Variants in CHFR observed in about 807,000 individuals in gnomAD.
CHFR encodes E3 ubiquitin-protein ligase CHFR.
Under a neutral mutation model 87.6 loss-of-function variants are expected in CHFR, and 57 were observed. The observed-to-expected ratio is 0.65, with a 90% CI of 0.53 to 0.81. The LOEUF (loss-of-function observed/expected upper bound fraction) is 0.81. CHFR is among the 30% of genes least tolerant of loss of function. The probability of loss-of-function intolerance (pLI) is 0.00; values close to 1 mark genes in which losing one functional copy is unlikely to be tolerated. For synonymous variants in CHFR, 381 were observed against 359.2 expected (o/e 1.06, Z -0.69); for missense variants, 797 against 865.8 (o/e 0.92, Z 1.00).
rs1359225076 is a variant in CHFR at position 132,840,292 on chromosome 12, GC to G, written c.*1261del. ...GCACTCGGAGCTCACTCTGCATGGG[GC>G]CTGCCTCCCTCGCATGGGGAAGTGA... On this transcript the variant is annotated 3_prime_UTR_variant, in exon 18 of 18. Coordinates refer to ENST00000450056, the MANE Select transcript of CHFR (RefSeq NM_001161346.2). 2 of 151,882 alleles carry G rather than the reference GC, an allele frequency of 1.3e-5. No homozygotes were observed. The highest frequency in any genetic ancestry group is 4.8e-5 in the African/African-American group (2 of 41,306). The allele number at this position is 151,882 out of a possible 1,614,324, so 9.4% of individuals were successfully genotyped here.
chr12:132,865,468 T>C (rs1302580864), intron 6 of CHFR, among the ~76,000 whole-genome samples: 1 of 150,982 alleles, frequency 6.6e-6, no homozygotes, highest in East Asian at 2.0e-4. Context: ...GATCCTCCTC[T>C]CTCAGGTGAA....
intron 2 of CHFR, among the ~76,000 whole-genome samples, chr12:132,882,088 T>G (rs1951783098): frequency 6.6e-6 from 1 of 152,212 alleles, no homozygotes; most frequent in Non-Finnish European, 1.5e-5. Context: ...CTACAAAGAC[T>G]GCACACTTAT....
At chr12:132,858,403 G>A (rs1295160969) in intron 8 of CHFR, among the ~76,000 whole-genome samples, 1 of 151,302 alleles carries the variant, frequency 6.6e-6, no homozygotes, top group Non-Finnish European at 1.5e-5. Context: ...GGGCTACATG[G>A]CGAAACCGTC....
intron 5 of CHFR, among the ~76,000 whole-genome samples, chr12:132,870,333 C>T (rs1294508654): frequency 6.6e-6 from 1 of 150,626 alleles, no homozygotes; most frequent in African/African-American, 2.5e-5. Context: ...GCCTGGGCGA[C>T]AAAGCGCGAC....
intron 15 of CHFR, among the ~76,000 whole-genome samples, 189 bp downstream of exon 15, chr12:132,846,854 T>G (rs931830543): frequency 2.0e-5 from 3 of 152,168 alleles, no homozygotes; most frequent in Non-Finnish European, 4.4e-5. Context: ...CACTCCAGTC[T>G]GGGCAACAAG....
chr12:132,843,313 C>A (rs1950741506), intron 16 of CHFR, among the ~76,000 whole-genome samples: 1 of 152,122 alleles, frequency 6.6e-6, no homozygotes, highest in Admixed American at 6.6e-5. Flanking sequence ...GTAATCCCAG[C>A]ACTTTGGGAG....
At chr12:132,869,506 G>T in intron 6 of CHFR, 113 bp downstream of exon 6, 1 of 930,492 alleles carries the variant, frequency 1.1e-6, no homozygotes, top group Non-Finnish European at 1.6e-6. Context: ...TCTCACTACT[G>T]AGAACCTCAT....
At chr12:132,852,521 C>A (rs937776920) in intron 11 of CHFR, among the ~76,000 whole-genome samples, 6 of 150,718 alleles carry the variant, frequency 4.0e-5, no homozygotes, top group African/African-American at 1.5e-4. Flanking sequence ...AAAGACCCTG[C>A]GAGGTCAACA....
At chr12:132,842,538 G>C (rs1184971688) in intron 17 of CHFR, among the ~76,000 whole-genome samples, 2 of 152,202 alleles carry the variant, frequency 1.3e-5, no homozygotes, top group Admixed American at 6.5e-5. Flanking sequence ...CCTAACCTAA[G>C]AGATGCCTCC....
chr12:132,876,226 T>C (rs1951629437), intron 3 of CHFR, among the ~76,000 whole-genome samples: 1 of 151,802 alleles, frequency 6.6e-6, no homozygotes, highest in Non-Finnish European at 1.5e-5. Flanking sequence ...GTATGTGTAG[T>C]GTGATTGCAT....
chr12:132,881,549 C>T (rs1265860972), intron 2 of CHFR, among the ~76,000 whole-genome samples: 1 of 152,144 alleles, frequency 6.6e-6, no homozygotes, highest in Non-Finnish European at 1.5e-5. Context: ...AATACCACTA[C>T]ACACCAAATA....
chr12:132,867,490 G>A (rs1228371217), intron 6 of CHFR: 1 of 152,270 alleles, frequency 6.6e-6, no homozygotes, highest in African/African-American at 2.4e-5. Context: ...CCATGAATGT[G>A]TCAGTGATGT....
At position 132,857,466 on chromosome 12, in the gene CHFR, C is replaced by T; in HGVS notation, c.1005G>A (p.Glu335=). The T allele has an allele frequency of 3.7e-6, 6 of 1,614,216 alleles. No homozygotes were observed. The highest frequency in any genetic ancestry group is 5.1e-6 in the Non-Finnish European group (6 of 1,180,040). ...TGAGGATGTGGTTTTTACAGATCCG[C>T]TCCACGGGACAGCGGCAGGTAGGAC... The part of the protein sequence containing the change: ...SLCPTCRCPV[E]RICKNHILNN... Residue 335 remains glutamate (E), a synonymous_variant, in exon 9 of 18, where the codon GAG becomes GAA. Transcript: ENST00000450056.
Position 132,839,912 on chromosome 12 carries a change from CTT to C in CHFR, c.*1640_*1641del, listed in dbSNP as rs1950680473. ...CTGCTCAGCCTCACCCCTGCACAAA[CTT>C]GGGACCTCCCCCTTAGCCTCGCCCC... On this transcript the variant is annotated 3_prime_UTR_variant, in exon 18 of 18. Coordinates refer to ENST00000450056, the MANE Select transcript of CHFR (RefSeq NM_001161346.2). 6.1e-6 allele frequency: 1 copy of C among 162,966 alleles called. No homozygotes were observed. The highest frequency in any genetic ancestry group is 1.3e-5 in the Non-Finnish European group (1 of 76,204). The allele number at this position is 162,966 out of a possible 1,614,324, so 10.1% of individuals were successfully genotyped here. A position where few individuals can be genotyped will look rare whatever the true frequency, so the allele number is the denominator to read the frequency against.
intron 12 of CHFR, 36 bp from the exon 13 acceptor site, chr12:132,848,760 G>A (rs376759624): frequency 5.5e-6 from 8 of 1,457,412 alleles, no homozygotes; most frequent in East Asian, 4.9e-5. Context: ...CGCACTCAGC[G>A]CTGAGGGCTG....
chr12:132,881,485 T>C (rs1951768974), intron 2 of CHFR, among the ~76,000 whole-genome samples: 2 of 152,184 alleles, frequency 1.3e-5, no homozygotes, highest in African/African-American at 2.4e-5. Flanking sequence ...ATTAAGCACA[T>C]GACAAAATGC....
rs1316055975 is a variant in CHFR at position 132,840,852 on chromosome 12, G to A, written c.*702C>T. The A allele has an allele frequency of 7.4e-6, 1 of 135,012 alleles. No homozygotes were observed. The highest frequency in any genetic ancestry group is 1.7e-5 in the Non-Finnish European group (1 of 59,548). 8.4% of individuals were successfully genotyped at this position (135,012 alleles called of 1,614,324 possible). A position where few individuals can be genotyped will look rare whatever the true frequency, so the allele number is the denominator to read the frequency against. ...GGCTCGGGGCCGCGGTCACTCACCG[G>A]TTAGCAAGGAGCGACTAACTTGGCG... On this transcript the variant is annotated 3_prime_UTR_variant, in exon 18 of 18. Transcript: ENST00000450056.
At position 132,872,341 on chromosome 12, in the gene CHFR, G is replaced by A. The variant is rs1951509767; in HGVS notation, c.287C>T (p.Pro96Leu). The A allele has an allele frequency of 1.9e-6, 3 of 1,613,642 alleles. No individual in the cohort carries two copies. The South Asian group carries it at 3.3e-5, about 18-fold the overall frequency. The change falls in exon 4 of 18, where the codon CCT (proline) becomes CTT (leucine). Residue 96 changes from proline to leucine, a missense_variant. By Grantham distance (98) the Pro-to-Leu change is moderately conservative (BLOSUM62 -3). This residue lies in a region of CHFR where 597 missense variants were observed against 601.2 expected (regional missense o/e 0.99). Coordinates refer to ENST00000450056, the MANE Select transcript of CHFR (RefSeq NM_001161346.2). ...GTAGATGACATCCCCAGTCTGTAAA[G>A]GGCATGTCTGCTTCTTAACAACCTT... Reference protein sequence around the residue: ...KLKVVKKQTCPLQTGDVIYLV... With the variant: ...KLKVVKKQTCLLQTGDVIYLV...
In CHFR at chr12:132,837,535, C is replaced by G. The variant is rs1950656821; in HGVS notation, c.*4019G>C. The G allele has an allele frequency of 6.5e-6, 1 of 152,998 alleles. No individual in the cohort carries two copies. Among genetic ancestry groups the G allele is most frequent in the Non-Finnish European group, 1.5e-5 (1 of 68,648 alleles). The allele number at this position is 152,998 out of a possible 1,614,324, so 9.5% of individuals were successfully genotyped here. ...GCAGGTAACAGGCAGGTGCGGTAAA[C>G]TAACTAGAAAGTAGTGCGTCCTGAG... On this transcript the variant is annotated 3_prime_UTR_variant, in exon 18 of 18. Coordinates refer to ENST00000450056, the MANE Select transcript of CHFR (RefSeq NM_001161346.2).
Sources: allele counts gnomAD v4.1 joint callset (sites outside exome capture counted in the v4.1 genomes callset), GRCh38; gene constraint gnomAD v4.1.1; regional missense constraint gnomAD v4.1.1; transcripts MANE v1.5; gene names NCBI Gene and HGNC (gene_info 2026-07-23, HGNC 2026-07-21).